The following NELL1 variants were observed in gnomAD, a reference collection of about 807,000 sequenced individuals.
The protein encoded by NELL1 is protein kinase C-binding protein NELL1.
Under a neutral mutation model 107.4 loss-of-function variants are expected in NELL1, and 76 were observed. The observed-to-expected ratio is 0.71, with a 90% confidence interval of 0.59 to 0.86. NELL1 has a LOEUF of 0.86. Ranked by LOEUF, NELL1 falls within the 40% of genes least tolerant of loss-of-function variation. The pLI is 0.00. For missense variants in NELL1, 1,024 were observed against 1,005.5 expected (o/e 1.02, Z -0.25); for synonymous variants, 353 against 341.2 (o/e 1.03, Z -0.38).
At position 20,987,801 on chromosome 11, in the gene NELL1, T is replaced by C. The variant is rs570111199; in HGVS notation, c.1300+27241T>C. 3.3e-5 allele frequency among the ~76,000 whole-genome samples: 5 copies of C among 152,278 alleles called. No individual in the cohort carries two copies. In the East Asian group the frequency reaches 9.6e-4, roughly 29 times the overall value. ...GAGGATAACAATAGTACTTACATCA[T>C]ACCATTGCTCTGAGAACAAATTAAT... On this transcript the variant is annotated intron_variant, in intron 12 of 19. Coordinates refer to ENST00000357134, the MANE Select transcript of NELL1 (RefSeq NM_006157.5).
intron 15 of NELL1, among the ~76,000 whole-genome samples, chr11:21,520,971 T>A (rs1334409024): frequency 6.6e-6 from 1 of 152,204 alleles, no homozygotes; most frequent in Non-Finnish European, 1.5e-5. Flanking sequence ...TTCAATAGAG[T>A]CCTATGGTTA....
At chr11:20,805,473 G>T (rs762351783) in intron 3 of NELL1, among the ~76,000 whole-genome samples, 1 of 151,904 alleles carries the variant, frequency 6.6e-6, no homozygotes, top group Admixed American at 6.6e-5. Flanking sequence ...TGTATCTGCT[G>T]TGTTTTTAGA....
chr11:21,106,772 GT>G (rs1266520955), intron 12 of NELL1, among the ~76,000 whole-genome samples: 2 of 152,128 alleles, frequency 1.3e-5, no homozygotes, highest in African/African-American at 2.4e-5. Context: ...ATAGGCATTT[GT>G]TTTTCCCCCC....
chr11:21,011,301 T>G (rs996068681), intron 12 of NELL1, among the ~76,000 whole-genome samples: 36 of 152,184 alleles, frequency 2.4e-4, no homozygotes, highest in African/African-American at 8.7e-4. Context: ...ACAAGTTGGA[T>G]TCTCTGGAAG....
chr11:20,914,449 G>T (rs1850201060), intron 5 of NELL1, among the ~76,000 whole-genome samples: 1 of 152,062 alleles, frequency 6.6e-6, no homozygotes, highest in South Asian at 2.1e-4. Context: ...AGAATGTCTG[G>T]GTTCTGATAA....
At chr11:21,385,749 C>T (rs1442664386) in intron 15 of NELL1, among the ~76,000 whole-genome samples, 1 of 151,898 alleles carries the variant, frequency 6.6e-6, no homozygotes, top group African/African-American at 2.4e-5. Flanking sequence ...TAAACACCAA[C>T]CTTCTTACAG....
At chr11:20,874,756 A>G (rs1849271234) in intron 4 of NELL1, among the ~76,000 whole-genome samples, 1 of 151,698 alleles carries the variant, frequency 6.6e-6, no homozygotes, top group Non-Finnish European at 1.5e-5. Flanking sequence ...CTGCTAGAAA[A>G]TTTTCTCTAT....
At chr11:21,060,987 G>A (rs950335596) in intron 12 of NELL1, among the ~76,000 whole-genome samples, 5 of 152,142 alleles carry the variant, frequency 3.3e-5, no homozygotes, top group African/African-American at 7.2e-5. Flanking sequence ...CGCCTGCCTC[G>A]GCATCCCAAA....
At chr11:21,331,964 A>G (rs544034895) in intron 14 of NELL1, among the ~76,000 whole-genome samples, 1 of 152,132 alleles carries the variant, frequency 6.6e-6, no homozygotes, top group Admixed American at 6.6e-5. Context: ...CCCTTGTGGC[A>G]TGTTGAGGCT....
chr11:21,525,004 G>T (rs912775677), intron 15 of NELL1, among the ~76,000 whole-genome samples: 1 of 152,140 alleles, frequency 6.6e-6, no homozygotes, highest in Non-Finnish European at 1.5e-5. Context: ...AAATCCATAG[G>T]CAATAGTAAA....
intron 4 of NELL1, among the ~76,000 whole-genome samples, chr11:20,863,526 G>A (rs920799379): frequency 1.3e-5 from 2 of 149,976 alleles, no homozygotes; most frequent in Non-Finnish European, 3.0e-5. Context: ...CCGGGCAGAG[G>A]TGCTCCTCAC....
chr11:20,992,855 C>T (rs1427787680), intron 12 of NELL1, among the ~76,000 whole-genome samples: 2 of 151,934 alleles, frequency 1.3e-5, no homozygotes, highest in South Asian at 4.2e-4. Flanking sequence ...GCTGGGATTA[C>T]AGGCATGCGC....
At chr11:21,075,712 C>T (rs1246968238) in intron 12 of NELL1, among the ~76,000 whole-genome samples, 2 of 152,176 alleles carry the variant, frequency 1.3e-5, no homozygotes, top group African/African-American at 4.8e-5. Flanking sequence ...GGATTACAGG[C>T]GTGAGCCACC....
At chr11:20,904,749 C>T (rs1849955991) in intron 5 of NELL1, among the ~76,000 whole-genome samples, 1 of 152,012 alleles carries the variant, frequency 6.6e-6, no homozygotes, top group South Asian at 2.1e-4. Context: ...TTGGAGGAGT[C>T]TCTCTCTCTT....
At chr11:20,740,958 C>G (rs1223836172) in intron 2 of NELL1, among the ~76,000 whole-genome samples, 2 of 152,028 alleles carry the variant, frequency 1.3e-5, no homozygotes, top group East Asian at 1.9e-4. Flanking sequence ...TTCTGATGTT[C>G]CCTTTCTGCT....
chr11:21,433,033 C>A (rs1853007169), intron 15 of NELL1, among the ~76,000 whole-genome samples: 1 of 152,138 alleles, frequency 6.6e-6, no homozygotes, highest in Non-Finnish European at 1.5e-5. Flanking sequence ...CCTTTCCCAG[C>A]CTATAATGAC....
chr11:20,851,845 G>C (rs924364195), intron 4 of NELL1, among the ~76,000 whole-genome samples: 1 of 152,186 alleles, frequency 6.6e-6, no homozygotes, highest in Non-Finnish European at 1.5e-5. Flanking sequence ...CACAGTGATT[G>C]GGCCTAGTCC....
At chr11:20,755,542 T>TTTATTTA (rs1856246250) in intron 2 of NELL1, among the ~76,000 whole-genome samples, 1 of 39,846 alleles carries the variant, frequency 2.5e-5, no homozygotes, top group Non-Finnish European at 5.5e-5. Context: ...GGGTTTTTGT[T>TTTATTTA]TTTTTTTGTT....
intron 15 of NELL1, among the ~76,000 whole-genome samples, chr11:21,460,388 C>T (rs995435075): frequency 6.6e-6 from 1 of 152,004 alleles, no homozygotes; most frequent in Non-Finnish European, 1.5e-5. Flanking sequence ...AGCCTGCAGC[C>T]TTTTCTCAGC....
Sources: gnomAD v4.1 joint callset for allele counts (sites outside exome capture counted in the v4.1 genomes callset) on GRCh38, gnomAD v4.1.1 for gene constraint, MANE v1.5 for transcripts, NCBI Gene and HGNC (gene_info 2026-07-23, HGNC 2026-07-21) for gene names.